RSRP1: variants seen among roughly 807,000 people sequenced by gnomAD.
RSRP1 encodes arginine/serine-rich protein 1.
A neutral mutation model predicts 33.0 loss-of-function variants in RSRP1; 37 were observed. That is an observed-to-expected ratio of 1.12 (90% CI 0.86 to 1.48). The LOEUF is 1.48. Among genes scored for constraint, RSRP1 ranks in the 40% most tolerant of loss-of-function variants. The probability of loss-of-function intolerance (pLI) is 0.00; values close to 1 mark genes in which losing one functional copy is unlikely to be tolerated. For missense variants in RSRP1, 402 were observed against 385.3 expected (o/e 1.04, Z -0.36); for synonymous variants, 167 against 158.7 (o/e 1.05, Z -0.40).
In RSRP1 at chr1:25,304,559, T is replaced by C. The variant is rs1298778080; in HGVS notation, c.-67+33419A>G. 1.0e-4 allele frequency: 13 copies of C among 126,936 alleles called. 1 individual carries two copies. Among genetic ancestry groups the C allele is most frequent in the African/African-American group, 3.0e-4 (11 of 36,756 alleles). The allele number at this position is 126,936 out of a possible 1,614,324, so 7.9% of individuals were successfully genotyped here. A position where few individuals can be genotyped will look rare whatever the true frequency, so the allele number is the denominator to read the frequency against. ...CTTGCAGTGAGCTGAAATCGTGCCA[T>C]GGCACTCCAGCCTGGGCGACAGAAC... On this transcript the variant is annotated intron_variant, in intron 1 of 1. Transcript: ENST00000561867.
rs556599535 is a variant in RSRP1, at chr1:25,329,132, A to T, written c.-67+8846T>A. The T allele has an allele frequency of 6.9e-6, 8 of 1,162,400 alleles. 1 individual carries two copies. The South Asian group carries it at 1.1e-4, about 15-fold the overall frequency. The allele number at this position is 1,162,400 out of a possible 1,614,324, so 72.0% of individuals were successfully genotyped here. A position where few individuals can be genotyped will look rare whatever the true frequency, so the allele number is the denominator to read the frequency against. Reference sequence around the variant, plus strand: ...TTTATTATGCACTGTAGAATACAACAATAAAATACAGCCATGTACCACATA... The same window carrying T: ...TTTATTATGCACTGTAGAATACAACTATAAAATACAGCCATGTACCACATA... On this transcript the variant is annotated intron_variant, in intron 1 of 1. Coordinates refer to the RSRP1 transcript ENST00000561867.
intron 1 of RSRP1, among the ~76,000 whole-genome samples, chr1:25,258,941 A>C (rs1460590916): frequency 6.6e-6 from 1 of 152,126 alleles, no homozygotes; most frequent in African/African-American, 2.4e-5. Context: ...TTTCTCTGCC[A>C]CTCTTTGAGG....
rs114670556 is a variant in RSRP1, at chr1:25,303,588, C to T, written c.-67+34390G>A. The T allele has an allele frequency of 3.4e-3, 3,399 of 997,028 alleles. 512 individuals are homozygous for T. The African/African-American group carries it at 0.043, about 13-fold the overall frequency. 61.8% of individuals were successfully genotyped at this position (997,028 alleles called of 1,614,324 possible). Reference sequence around the variant, plus strand: ...CGGCGCATTCTCTTATTGGCTTCAACGCCTAGTGAGGGATCCATCCTGGCT... The same window carrying T: ...CGGCGCATTCTCTTATTGGCTTCAATGCCTAGTGAGGGATCCATCCTGGCT... On this transcript the variant is annotated intron_variant, in intron 1 of 1. Coordinates refer to the RSRP1 transcript ENST00000561867.
In RSRP1 at chr1:25,309,472, C is replaced by T. The variant is rs1357368270; in HGVS notation, c.-67+28506G>A. Among the ~76,000 whole-genome samples, 14 of 131,834 alleles carry T rather than the reference C, an allele frequency of 1.1e-4. 2 individuals carry two copies. Among genetic ancestry groups the T allele is most frequent in the Admixed American group, 2.9e-4 (4 of 13,580 alleles). 86.5% of individuals were successfully genotyped at this position (131,834 alleles called of 152,430 possible). A position where few individuals can be genotyped will look rare whatever the true frequency, so the allele number is the denominator to read the frequency against. ...TTTGTTTTCATTGTATCTCTTTTTA[C>T]AGCTACCTCCCATTTCCCTTCTATT... On this transcript the variant is annotated intron_variant, in intron 1 of 1. Coordinates refer to the RSRP1 transcript ENST00000561867.
rs1644963698 is a variant in RSRP1, at chr1:25,329,924, G to A, written c.-67+8054C>T. Reference sequence around the variant, plus strand: ...CCTGCCTCGGCCTCCCAAAGTGCTGGGATTACAGGTGTGAGCCACCGTGCC... The same window carrying A: ...CCTGCCTCGGCCTCCCAAAGTGCTGAGATTACAGGTGTGAGCCACCGTGCC... On this transcript the variant is annotated intron_variant, in intron 1 of 1. Coordinates refer to the RSRP1 transcript ENST00000561867. 2 of 131,832 alleles carry A rather than the reference G, an allele frequency of 1.5e-5. 1 individual carries two copies. The highest frequency in any genetic ancestry group is 8.3e-3 in the Middle Eastern group (2 of 240). 8.2% of individuals were successfully genotyped at this position (131,832 alleles called of 1,614,324 possible). A position where few individuals can be genotyped will look rare whatever the true frequency, so the allele number is the denominator to read the frequency against.
chr1:25,253,085 A>G (rs1381722287), intron 1 of RSRP1: 1 of 142,178 alleles, frequency 7.0e-6, no homozygotes, highest in Non-Finnish European at 1.5e-5. Flanking sequence ...TTTAACTTTT[A>G]CTCCACAAGA....
chr1:25,308,576 C>A (rs1211264464), intron 1 of RSRP1, among the ~76,000 whole-genome samples: 1 of 132,084 alleles, frequency 7.6e-6, no homozygotes, highest in Admixed American at 7.4e-5. Context: ...ACAAACGCTT[C>A]CCGCATGACT....
At chr1:25,263,999 C>T (rs1161478808) in intron 1 of RSRP1, among the ~76,000 whole-genome samples, 1 of 152,120 alleles carries the variant, frequency 6.6e-6, no homozygotes, top group Non-Finnish European at 1.5e-5. Flanking sequence ...GACTCCACAT[C>T]TCACATCCAG....
intron 3 of RSRP1, chr1:25,244,655 A>T: frequency 2.5e-6 from 3 of 1,222,246 alleles, no homozygotes; most frequent in South Asian, 1.4e-5. Flanking sequence ...TAACGGTGTT[A>T]TAAGAGTACA....
intron 1 of RSRP1, among the ~76,000 whole-genome samples, chr1:25,271,277 T>G (rs1472324248): frequency 7.6e-6 from 1 of 130,776 alleles, no homozygotes; most frequent in African/African-American, 2.6e-5. Flanking sequence ...AATGACAGGA[T>G]TCGACTGGGT....
At position 25,303,521 on chromosome 1, in the gene RSRP1, T is replaced by C. The variant is rs1643561401; in HGVS notation, c.-67+34457A>G. The C allele has an allele frequency of 6.4e-5, 86 of 1,339,604 alleles. 16 individuals are homozygous for C. In the South Asian group the frequency reaches 9.5e-4, roughly 15 times the overall value. 83.0% of individuals were successfully genotyped at this position (1,339,604 alleles called of 1,614,324 possible). A position where few individuals can be genotyped will look rare whatever the true frequency, so the allele number is the denominator to read the frequency against. On this transcript the variant is annotated intron_variant, in intron 1 of 1. Coordinates refer to the RSRP1 transcript ENST00000561867. ...TGAAGGCCAGCAGGACGCTGGGACC[T>C]GATGGGCCACTGTGCAGTGCACAGC...
At chr1:25,309,371 T>A (rs1056517894) in intron 1 of RSRP1, among the ~76,000 whole-genome samples, 1 of 131,394 alleles carries the variant, frequency 7.6e-6, no homozygotes, top group Non-Finnish European at 1.8e-5. Flanking sequence ...TGCACCCTTC[T>A]AGCTCTTGTT....
At chr1:25,306,599 T>G (rs771623094) in intron 1 of RSRP1, 2 of 1,377,798 alleles carry the variant, frequency 1.5e-6, no homozygotes, top group Non-Finnish European at 1.0e-6. Flanking sequence ...TCCACAGGGG[T>G]GTTGTAACCG....
At chr1:25,276,211 A>C (rs1299121114) in intron 1 of RSRP1, among the ~76,000 whole-genome samples, 2 of 130,588 alleles carry the variant, frequency 1.5e-5, no homozygotes, top group African/African-American at 5.2e-5. Context: ...TTGTTTTTTA[A>C]GTCTCCATCT....
chr1:25,242,384 C>A lies in RSRP1; in HGVS notation c.*205G>T. 1 of 413,658 alleles carries A rather than the reference C, an allele frequency of 2.4e-6. No homozygotes were observed. Among genetic ancestry groups the A allele is most frequent in the Non-Finnish European group, 4.4e-6 (1 of 228,580 alleles). The allele number at this position is 413,658 out of a possible 1,614,324, so 25.6% of individuals were successfully genotyped here. A position where few individuals can be genotyped will look rare whatever the true frequency, so the allele number is the denominator to read the frequency against. ...ACAAAAGACTCCCACCTGTGCATAA[C>A]CTTTGGTCCATCTGTGCTATCTCTC... On this transcript the variant is annotated 3_prime_UTR_variant, in exon 5 of 5. Transcript: ENST00000243189.
intron 1 of RSRP1, chr1:25,253,206 G>A (rs1459230007): frequency 6.6e-6 from 1 of 152,122 alleles, no homozygotes; most frequent in Non-Finnish European, 1.5e-5. Context: ...CCACATCGGT[G>A]CATACAGAAT....
intron 1 of RSRP1, among the ~76,000 whole-genome samples, chr1:25,305,938 G>A (rs1643791427): frequency 7.6e-6 from 1 of 131,932 alleles, no homozygotes; most frequent in East Asian, 2.0e-4. Context: ...GGATTCTAAG[G>A]AAGGAACCAG....
upstream of RSRP1, among the ~76,000 whole-genome samples, chr1:25,250,565 G>C (rs958786942): frequency 2.0e-5 from 3 of 152,186 alleles, no homozygotes; most frequent in Non-Finnish European, 4.4e-5. Flanking sequence ...CTGTGAATAT[G>C]TTACCTTAAG....
At chr1:25,262,550 G>A (rs1640192163) in intron 1 of RSRP1, among the ~76,000 whole-genome samples, 1 of 152,200 alleles carries the variant, frequency 6.6e-6, no homozygotes, top group Admixed American at 6.5e-5. Flanking sequence ...CATGATTACA[G>A]AGGCTGAGAA....
Sources: allele counts gnomAD v4.1 joint callset (sites outside exome capture counted in the v4.1 genomes callset), GRCh38; gene constraint gnomAD v4.1.1; transcripts MANE v1.5; gene names NCBI Gene and HGNC (gene_info 2026-07-23, HGNC 2026-07-21).